Variants in NTNG1 observed in about 807,000 individuals in gnomAD.
The protein encoded by NTNG1 is netrin-G1.
Under a neutral mutation model 54.0 loss-of-function variants are expected in NTNG1, and 16 were observed. The observed-to-expected ratio is 0.30, with a 90% CI of 0.20 to 0.45. The LOEUF (loss-of-function observed/expected upper bound fraction) is 0.45, where lower values mean the gene tolerates loss of function less well. NTNG1 is among the 20% of genes least tolerant of loss of function. NTNG1 has a pLI of 1.00. For missense variants in NTNG1, 530 were observed against 678.7 expected (o/e 0.78, Z 2.43); for synonymous variants, 255 against 263.1 (o/e 0.97, Z 0.30).
intron 2 of NTNG1, among the ~76,000 whole-genome samples, chr1:107,244,117 G>A (rs1202785165): frequency 2.0e-5 from 3 of 152,120 alleles, no homozygotes; most frequent in Non-Finnish European, 4.4e-5. Context: ...TATCATTGCC[G>A]CTAATGTGTA....
chr1:107,329,298 A>G (rs1419864343), intron 3 of NTNG1, among the ~76,000 whole-genome samples: 2 of 152,156 alleles, frequency 1.3e-5, no homozygotes, highest in South Asian at 2.1e-4. Context: ...CACTATGACT[A>G]GGTGCCAGGA....
chr1:107,373,182 G>A (rs559995342), intron 3 of NTNG1, among the ~76,000 whole-genome samples: 16 of 151,458 alleles, frequency 1.1e-4, no homozygotes, highest in Non-Finnish European at 1.0e-4. Flanking sequence ...GCATTTGTTG[G>A]GATTAATGGA....
chr1:107,217,239 T>TTC (rs1272035050), intron 2 of NTNG1, among the ~76,000 whole-genome samples: 1 of 152,196 alleles, frequency 6.6e-6, no homozygotes, highest in Non-Finnish European at 1.5e-5. Flanking sequence ...TGTAACTGTG[T>TTC]TCACAGTAGC....
rs767241541 is a variant in NTNG1 at position 107,324,506 on chromosome 1, A to T, written c.471A>T (p.Pro157=). 1 of 1,613,824 alleles carries T rather than the reference A, an allele frequency of 6.2e-7. No individual in the cohort carries two copies. Among genetic ancestry groups the T allele is most frequent in the Non-Finnish European group, 8.5e-7 (1 of 1,179,862 alleles). Reference sequence around the variant, plus strand: ...TTATTACCTTTGAATCTGGGCGTCCAGACCAAATGATCCTGGAGAAGTCTC... The same window carrying T: ...TTATTACCTTTGAATCTGGGCGTCCTGACCAAATGATCCTGGAGAAGTCTC... ...NIVITFESGR[P]DQMILEKSLD... Residue 157 remains proline, a synonymous_variant, in exon 3 of 8, where the codon CCA becomes CCT. Transcript: ENST00000370068.
At chr1:107,283,341 A>T (rs1014416155) in intron 2 of NTNG1, among the ~76,000 whole-genome samples, 1 of 152,068 alleles carries the variant, frequency 6.6e-6, no homozygotes, top group Non-Finnish European at 1.5e-5. Context: ...CTAGGATGCC[A>T]TGTTGGTGGA....
At chr1:107,380,150 C>A (rs558803753) in intron 3 of NTNG1, among the ~76,000 whole-genome samples, 6 of 152,254 alleles carry the variant, frequency 3.9e-5, no homozygotes, top group Non-Finnish European at 5.9e-5. Context: ...ATGATGCTAC[C>A]CACTTTTTAT....
intron 2 of NTNG1, among the ~76,000 whole-genome samples, chr1:107,209,866 C>G (rs1207413352): frequency 1.3e-5 from 2 of 151,230 alleles, no homozygotes; most frequent in African/African-American, 4.9e-5. Flanking sequence ...AGGTCCATCA[C>G]CGTTCTTTCT....
At position 107,241,761 on chromosome 1, in the gene NTNG1, G is replaced by A. The variant is rs117296321; in HGVS notation, c.247-82521G>A. ...ATTTGATTGCTTAATTCAATTTGGGGGATAACTTGATGCCAGGAACATATT... is the reference window on the plus strand; with the variant it reads ...ATTTGATTGCTTAATTCAATTTGGGAGATAACTTGATGCCAGGAACATATT... On this transcript the variant is annotated intron_variant, in intron 2 of 7. Transcript: ENST00000370068. Among the ~76,000 whole-genome samples the A allele has an allele frequency of 3.9e-4, 60 of 152,182 alleles. No individual in the cohort carries two copies. In the East Asian group the frequency reaches 0.011, roughly 28 times the overall value.
chr1:107,232,698 G>A (rs1661155717), intron 2 of NTNG1, among the ~76,000 whole-genome samples: 1 of 152,162 alleles, frequency 6.6e-6, no homozygotes, highest in South Asian at 2.1e-4. Context: ...ACTCTGGAAT[G>A]CCTTGCATCT....
At chr1:107,284,621 A>G (rs1256180275) in intron 2 of NTNG1, among the ~76,000 whole-genome samples, 1 of 152,146 alleles carries the variant, frequency 6.6e-6, no homozygotes, top group Non-Finnish European at 1.5e-5. Flanking sequence ...CAAGCAAAAA[A>G]GTAGAACAAA....
chr1:107,302,569 T>G (rs1361609295), intron 2 of NTNG1, among the ~76,000 whole-genome samples: 1 of 152,120 alleles, frequency 6.6e-6, no homozygotes, highest in Non-Finnish European at 1.5e-5. Flanking sequence ...ATGTACATTT[T>G]TTTTCAGCTT....
At chr1:107,419,726 A>C (rs1674461582) in intron 5 of NTNG1, among the ~76,000 whole-genome samples, 1 of 152,010 alleles carries the variant, frequency 6.6e-6, no homozygotes. Context: ...GAAATGAGCA[A>C]AAGGAGGAAC....
chr1:107,167,303 TA>T (rs1655872095), intron 2 of NTNG1, among the ~76,000 whole-genome samples: 2 of 151,940 alleles, frequency 1.3e-5, no homozygotes, highest in African/African-American at 4.8e-5. Context: ...TAGAAGAATC[TA>T]TCTGTAATGA....
chr1:107,178,627 T>A (rs1656829270), intron 2 of NTNG1, among the ~76,000 whole-genome samples: 2 of 152,106 alleles, frequency 1.3e-5, no homozygotes, highest in African/African-American at 4.8e-5. Flanking sequence ...TGATGAAAAA[T>A]TTTTCTATTT....
At chr1:107,429,901 CTCT>C (rs1242158415) in intron 5 of NTNG1, among the ~76,000 whole-genome samples, 2 of 152,122 alleles carry the variant, frequency 1.3e-5, no homozygotes, top group Non-Finnish European at 2.9e-5. Flanking sequence ...TACTCTCATG[CTCT>C]TCTTCATCTC....
At chr1:107,412,710 AC>A in intron 5 of NTNG1, among the ~76,000 whole-genome samples, 1 of 152,294 alleles carries the variant, frequency 6.6e-6, no homozygotes, top group East Asian at 1.9e-4. Context: ...GTGTCTGAGG[AC>A]AGGGATGGAG....
intron 2 of NTNG1, among the ~76,000 whole-genome samples, chr1:107,279,018 G>A (rs571858020): frequency 1.6e-4 from 24 of 152,210 alleles, no homozygotes; most frequent in African/African-American, 5.3e-4. Flanking sequence ...GATTCTAAAA[G>A]TTAAAATTCA....
At chr1:107,383,003 G>A (rs7541885) in intron 3 of NTNG1, among the ~76,000 whole-genome samples, 104,016 of 152,008 alleles carry the variant, frequency 0.68, 37,089 homozygotes, top group Middle Eastern at 0.86. Context: ...ATTTCCTCTC[G>A]AATTTTGTAG....
chr1:107,199,827 A>G lies in NTNG1; in HGVS notation c.246+50988A>G, dbSNP rs112290625. 7.0e-3 allele frequency among the ~76,000 whole-genome samples: 784 copies of G among 112,076 alleles called. 8 individuals carry two copies. The highest frequency in any genetic ancestry group is 0.025 in the African/African-American group (746 of 30,026). 73.5% of individuals were successfully genotyped at this position (112,076 alleles called of 152,430 possible). A position where few individuals can be genotyped will look rare whatever the true frequency, so the allele number is the denominator to read the frequency against. On this transcript the variant is annotated intron_variant, in intron 2 of 7. Coordinates refer to ENST00000370068, the MANE Select transcript of NTNG1 (RefSeq NM_001113226.3). ...GTGGAAGCTATAATGGAATATCCCT[A>G]AGAAATCCATTGTCATCCTTAAAAA...
Sources: gnomAD v4.1 joint callset for allele counts (sites outside exome capture counted in the v4.1 genomes callset) on GRCh38, gnomAD v4.1.1 for gene constraint, MANE v1.5 for transcripts, NCBI Gene and HGNC (gene_info 2026-07-23, HGNC 2026-07-21) for gene names.